The following SMARCC1 variants were observed in gnomAD, a reference collection of about 807,000 sequenced individuals.
SMARCC1 encodes the protein SWI/SNF related BAF chromatin remodeling complex subunit C1, also known as SWI/SNF complex subunit SMARCC1.
In SMARCC1, 43 loss-of-function variants were observed where a neutral mutation model predicts 147.4. The observed-to-expected ratio is 0.29, with a 90% CI of 0.23 to 0.38. The LOEUF is 0.38. SMARCC1 is among the 10% of genes least tolerant of loss of function. The pLI is 1.00. For synonymous variants in SMARCC1, 495 were observed against 484.4 expected, an observed-to-expected ratio of 1.02 and a Z score of -0.29; for missense variants, 1,119 against 1,381.1, an observed-to-expected ratio of 0.81 and a Z score of 3.01.
intron 21 of SMARCC1, among the ~76,000 whole-genome samples, chr3:47,642,942 C>T (rs2033068240): frequency 1.3e-5 from 2 of 152,108 alleles, no homozygotes; most frequent in Admixed American, 6.5e-5. Flanking sequence ...CGCCTGTAGT[C>T]CCAGCTACTC....
Position 47,705,090 on chromosome 3 carries a change from G to A in SMARCC1, c.1040+1319C>T, listed in dbSNP as rs184950130. On this transcript the variant is annotated intron_variant, in intron 10 of 27. Transcript: ENST00000254480. ...TGTAATCCCAGCACTTTGGGAGGCC[G>A]AGGCAGGTGGATCACGAGGTCAGGA... Among the ~76,000 whole-genome samples the A allele has an allele frequency of 5.9e-5, 9 of 151,760 alleles. No homozygotes were observed. The South Asian group carries it at 6.2e-4, about 11-fold the overall frequency.
chr3:47,611,637 G>T (rs1053941641), intron 25 of SMARCC1, among the ~76,000 whole-genome samples: 8 of 152,272 alleles, frequency 5.3e-5, no homozygotes, highest in African/African-American at 1.7e-4. Context: ...AAGTTCTGTG[G>T]ATAAACACTA....
At chr3:47,613,096 A>T (rs1184565854) in intron 25 of SMARCC1, among the ~76,000 whole-genome samples, 9 of 152,252 alleles carry the variant, frequency 5.9e-5, no homozygotes, top group Admixed American at 5.9e-4. Flanking sequence ...CATATTTTAA[A>T]TGCACTTAAC....
At chr3:47,608,836 G>T (rs1023430142) in intron 26 of SMARCC1, among the ~76,000 whole-genome samples, 3 of 133,782 alleles carry the variant, frequency 2.2e-5, no homozygotes, top group Non-Finnish European at 4.6e-5. Context: ...ACAACAGAGC[G>T]AGACAGTGTC....
At chr3:47,708,075 T>TTTTTTC (rs2034032226) in intron 9 of SMARCC1, among the ~76,000 whole-genome samples, 1 of 84,808 alleles carries the variant, frequency 1.2e-5, no homozygotes, top group Non-Finnish European at 2.3e-5. Flanking sequence ...TGAAGTTGAA[T>TTTTTTC]TTTTTTTCTT....
At chr3:47,743,064 G>T (rs969576459) in intron 3 of SMARCC1, among the ~76,000 whole-genome samples, 1 of 152,172 alleles carries the variant, frequency 6.6e-6, no homozygotes, top group Admixed American at 6.5e-5. Flanking sequence ...AGTGCTTGCC[G>T]TAATAACAAA....
intron 19 of SMARCC1, among the ~76,000 whole-genome samples, chr3:47,668,911 A>C (rs1375903086): frequency 6.6e-6 from 1 of 151,980 alleles, no homozygotes; most frequent in Non-Finnish European, 1.5e-5. Flanking sequence ...GTACGATGCT[A>C]TTTTGAAAAC....
At chr3:47,627,248 T>C (rs1181141191) in intron 24 of SMARCC1, among the ~76,000 whole-genome samples, 2 of 151,594 alleles carry the variant, frequency 1.3e-5, no homozygotes, top group South Asian at 2.1e-4. Flanking sequence ...GGGAGGAAAA[T>C]AGTACTGAAG....
At chr3:47,754,771 A>G (rs1458727276) in intron 2 of SMARCC1, among the ~76,000 whole-genome samples, 1 of 152,212 alleles carries the variant, frequency 6.6e-6, no homozygotes, top group Non-Finnish European at 1.5e-5. Flanking sequence ...GGCTAGGCAC[A>G]GTGCCCCACG....
intron 3 of SMARCC1, among the ~76,000 whole-genome samples, chr3:47,739,814 G>A (rs1219724695): frequency 6.6e-6 from 1 of 152,096 alleles, no homozygotes; most frequent in East Asian, 1.9e-4. Context: ...CAATGGGCCT[G>A]ACACTATCAC....
chr3:47,704,830 T>C (rs1186393091), intron 10 of SMARCC1, among the ~76,000 whole-genome samples: 1 of 151,652 alleles, frequency 6.6e-6, no homozygotes, highest in East Asian at 1.9e-4. Context: ...GGTAGGAGAA[T>C]CGCCTGAGCC....
intron 26 of SMARCC1, among the ~76,000 whole-genome samples, chr3:47,600,877 C>T (rs2032370698): frequency 6.6e-6 from 1 of 151,648 alleles, no homozygotes. Flanking sequence ...AGAGATCTGG[C>T]CCACACAAAT....
chr3:47,620,626 C>T (rs911508102), intron 25 of SMARCC1, among the ~76,000 whole-genome samples: 1 of 152,038 alleles, frequency 6.6e-6, no homozygotes, highest in Admixed American at 6.6e-5. Context: ...TCATAATTCT[C>T]TTGGTCCCGT....
chr3:47,606,906 C>T (rs1168996983), intron 26 of SMARCC1, among the ~76,000 whole-genome samples: 2 of 148,976 alleles, frequency 1.3e-5, no homozygotes, highest in East Asian at 2.0e-4. Context: ...GTAGAGACAG[C>T]TTCTCTCTAT....
At chr3:47,681,231 C>T (rs1392147023) in intron 14 of SMARCC1, among the ~76,000 whole-genome samples, 1 of 152,150 alleles carries the variant, frequency 6.6e-6, no homozygotes, top group Admixed American at 6.6e-5. Flanking sequence ...AATGAATTTG[C>T]TAGTCTCAGC....
intron 19 of SMARCC1, chr3:47,663,899 G>A: frequency 6.7e-7 from 1 of 1,483,928 alleles, no homozygotes; most frequent in South Asian, 1.1e-5. Context: ...CATCTTGCTG[G>A]GTCTAGCTGT....
intron 13 of SMARCC1, 137 bp downstream of exon 13, chr3:47,689,250 A>G: frequency 1.5e-6 from 1 of 665,276 alleles, no homozygotes; most frequent in Non-Finnish European, 2.7e-6. Context: ...GGGAAAAACT[A>G]AAAACAAAAA....
chr3:47,772,006 T>C (rs1339527250), intron 2 of SMARCC1, among the ~76,000 whole-genome samples: 3 of 151,862 alleles, frequency 2.0e-5, no homozygotes, highest in African/African-American at 7.3e-5. Flanking sequence ...TCGCTGCAGG[T>C]TGCAGTGAGC....
chr3:47,599,809 G>C (rs1025646486), intron 26 of SMARCC1, among the ~76,000 whole-genome samples: 3 of 152,194 alleles, frequency 2.0e-5, no homozygotes, highest in Non-Finnish European at 4.4e-5. Context: ...TGTTCCAGCA[G>C]AGAAATCAAC....
Sources: gnomAD v4.1 joint callset for allele counts (sites outside exome capture counted in the v4.1 genomes callset) on GRCh38, gnomAD v4.1.1 for gene constraint, MANE v1.5 for transcripts, NCBI Gene and HGNC (gene_info 2026-07-23, HGNC 2026-07-21) for gene names.